CLUL1: variants seen among roughly 807,000 people sequenced by gnomAD.
CLUL1 encodes clusterin like 1.
In CLUL1, 43 loss-of-function variants were observed where a neutral mutation model predicts 49.4. That is an observed-to-expected ratio of 0.87 (90% CI 0.68 to 1.12). The LOEUF (loss-of-function observed/expected upper bound fraction) is 1.12. Ranked by LOEUF, CLUL1 falls within the 50% of genes most tolerant of loss-of-function variation. The pLI, the probability that CLUL1 is intolerant of heterozygous loss-of-function variation, is 0.00. For synonymous variants in CLUL1, 192 were observed against 184.9 expected (o/e 1.04, Z -0.31); for missense variants, 486 against 544.4 (o/e 0.89, Z 1.07).
At chr18:620,104 T>C (rs1453372326) in intron 4 of CLUL1, among the ~76,000 whole-genome samples, 1 of 152,208 alleles carries the variant, frequency 6.6e-6, no homozygotes, top group Admixed American at 6.5e-5. Flanking sequence ...ATTAGATACA[T>C]GAATTGCTAC....
intron 2 of CLUL1, among the ~76,000 whole-genome samples, chr18:615,854 T>A (rs189640023): frequency 1.6e-3 from 240 of 152,322 alleles, no homozygotes; most frequent in African/African-American, 5.4e-3. Context: ...GCCTTGAATG[T>A]GTGTCACTCT....
intron 2 of CLUL1, 81 bp downstream of exon 2, chr18:607,180 T>A (rs2072997290): frequency 1.4e-6 from 1 of 689,674 alleles, no homozygotes; most frequent in East Asian, 2.7e-5. Flanking sequence ...CAGGCCAGAA[T>A]GCAGTGACAC....
At chr18:637,224 G>C (rs2074170516) in intron 7 of CLUL1, among the ~76,000 whole-genome samples, 1 of 151,926 alleles carries the variant, frequency 6.6e-6, no homozygotes. Context: ...CTGACCTTGT[G>C]ATCCACCTGC....
intron 6 of CLUL1, among the ~76,000 whole-genome samples, chr18:631,797 A>G (rs1197275721): frequency 6.6e-6 from 1 of 152,212 alleles, no homozygotes; most frequent in Non-Finnish European, 1.5e-5. Context: ...TGGCAAGACC[A>G]AGTCCCTTCC....
chr18:598,126 C>G (rs2072709370), intron 1 of CLUL1: 1 of 155,050 alleles, frequency 6.4e-6, no homozygotes, highest in African/African-American at 2.4e-5. Flanking sequence ...ACTCCTCAGT[C>G]CCTGACAATG....
In CLUL1 at chr18:606,786, G is replaced by A. The variant is rs1044961568; in HGVS notation, c.-135-192G>A. ...CATATACACACAAACAAAAATAAACGTGAGATATGATTCTCCCGGAGTGTT... is the reference window on the plus strand; with the variant it reads ...CATATACACACAAACAAAAATAAACATGAGATATGATTCTCCCGGAGTGTT... On this transcript the variant is annotated intron_variant, in intron 1 of 9. Coordinates refer to ENST00000692774, the MANE Select transcript of CLUL1 (RefSeq NM_001393344.1). This position sits in a 1 kb window ranked among gnomAD's most constrained non-coding sequence, Gnocchi z 4.1. 4.6e-5 allele frequency among the ~76,000 whole-genome samples: 7 copies of A among 152,004 alleles called. No individual in the cohort carries two copies. Among genetic ancestry groups the A allele is most frequent in the Admixed American group, 6.6e-5 (1 of 15,254 alleles).
chr18:603,776 C>T (rs533694446), intron 1 of CLUL1, among the ~76,000 whole-genome samples: 38 of 152,288 alleles, frequency 2.5e-4, no homozygotes, highest in African/African-American at 7.7e-4. Flanking sequence ...TATAGCCACA[C>T]GCATTCCTCC....
intron 6 of CLUL1, 37 bp from the exon 7 acceptor site, chr18:633,261 T>C: frequency 1.3e-6 from 2 of 1,563,746 alleles, no homozygotes; most frequent in Non-Finnish European, 1.7e-6. Flanking sequence ...GTGCAAACTC[T>C]TATGACACTA....
rs1294659003 is a variant in CLUL1, at chr18:627,193, G to A, written c.520G>A (p.Asp174Asn). Residue 174 changes from aspartate to asparagine, a missense_variant, in exon 6 of 10, where the codon GAT becomes AAT. Asp to Asn is a conservative substitution (Grantham distance 23, BLOSUM62 1). Transcript: ENST00000692774. ...CATCAGTGAAAAGCTCATTGAGGAA[G>A]ATGCACAATTGACCCAAATGGAGGA... ...LPISEKLIEE[D>N]AQLTQMEDVF... 1.2e-6 allele frequency: 2 copies of A among 1,613,426 alleles called. No individual in the cohort carries two copies. Among genetic ancestry groups the A allele is most frequent in the African/African-American group, 2.7e-5 (2 of 74,842 alleles).
chr18:608,076 A>T (rs192065976), intron 2 of CLUL1, among the ~76,000 whole-genome samples: 1 of 152,182 alleles, frequency 6.6e-6, no homozygotes, highest in African/African-American at 2.4e-5. Context: ...GAACCGTCAG[A>T]TGCATGCCAG....
chr18:626,353 T>G (rs1158181895), intron 5 of CLUL1, among the ~76,000 whole-genome samples: 1 of 152,022 alleles, frequency 6.6e-6, no homozygotes, highest in South Asian at 2.1e-4. Context: ...CCACACACCT[T>G]GGCCTCCCAA....
chr18:632,576 AATGAT>A (rs1488196906), intron 6 of CLUL1, among the ~76,000 whole-genome samples: 1 of 152,180 alleles, frequency 6.6e-6, no homozygotes, highest in African/African-American at 2.4e-5. Context: ...CAGAAATACT[AATGAT>A]ATAAGACAAA....
intron 7 of CLUL1, among the ~76,000 whole-genome samples, chr18:638,822 C>A (rs1374226776): frequency 6.6e-6 from 1 of 151,712 alleles, no homozygotes. Context: ...CAAGCAACTG[C>A]ACTCCAGCCT....
Position 644,913 on chromosome 18 carries a change from G to C in CLUL1, c.1213G>C (p.Val405Leu), listed in dbSNP as rs760137234. The change falls in exon 9 of 10, where the codon GTT becomes CTT. Residue 405 changes from valine to leucine, a missense_variant. Coordinates refer to ENST00000692774, the MANE Select transcript of CLUL1 (RefSeq NM_001393344.1). ...TEIIFNSIQVVPRIHEGNISK... is the reference protein window; with the variant it reads ...TEIIFNSIQVLPRIHEGNISK... The stretch of plus-strand genomic sequence containing the variant: ...CTGTATAATCCTTCTTCTGTAGGTA[G>C]TTCCAAGGATTCATGAAGGAAATAT... 13 of 1,607,852 alleles carry C rather than the reference G, an allele frequency of 8.1e-6. 1 individual carries two copies. Among genetic ancestry groups the C allele is most frequent in the Middle Eastern group, 3.3e-4 (2 of 6,072 alleles).
intron 8 of CLUL1, among the ~76,000 whole-genome samples, chr18:642,958 A>T (rs1445031773): frequency 6.6e-6 from 1 of 152,198 alleles, no homozygotes; most frequent in African/African-American, 2.4e-5. Flanking sequence ...ATTCTTTATA[A>T]ACCACTTCTG....
rs1276558584 is a variant in CLUL1 at position 606,499 on chromosome 18, C to G, written c.-135-479C>G. On this transcript the variant is annotated intron_variant, in intron 1 of 9. Coordinates refer to ENST00000692774, the MANE Select transcript of CLUL1 (RefSeq NM_001393344.1). The surrounding 1 kb of genome is among the most constrained non-coding windows in gnomAD (Gnocchi z 4.1). Reference sequence around the variant, plus strand: ...GACATTTCTTTGCAAAGTCCCGGAACCCACAGCTCTGAGACTCTGGCTGTC... The same window carrying G: ...GACATTTCTTTGCAAAGTCCCGGAAGCCACAGCTCTGAGACTCTGGCTGTC... Among the ~76,000 whole-genome samples, 2 of 152,190 alleles carry G rather than the reference C, an allele frequency of 1.3e-5. No homozygotes were observed. The highest frequency in any genetic ancestry group is 1.9e-4 in the East Asian group (1 of 5,194).
chr18:626,857 TC>T (rs2073730746), intron 5 of CLUL1, among the ~76,000 whole-genome samples: 1 of 110,870 alleles, frequency 9.0e-6, no homozygotes, highest in Non-Finnish European at 1.9e-5. Context: ...CAAGACTCCA[TC>T]TCAAATAAGA....
At chr18:640,311 A>G (rs913671800) in intron 7 of CLUL1, among the ~76,000 whole-genome samples, 1 of 152,040 alleles carries the variant, frequency 6.6e-6, no homozygotes, top group South Asian at 2.1e-4. Flanking sequence ...TCAGGAGGCT[A>G]AGGTGGAAAT....
chr18:649,363 G>C (rs999360913), intron 9 of CLUL1, among the ~76,000 whole-genome samples: 9 of 152,212 alleles, frequency 5.9e-5, no homozygotes, highest in Admixed American at 3.3e-4. Context: ...TAGTTATCTA[G>C]CATCCTAAGT....
Sources: allele counts gnomAD v4.1 joint callset (sites outside exome capture counted in the v4.1 genomes callset), GRCh38; gene constraint gnomAD v4.1.1; non-coding constraint Gnocchi (gnomAD v3.1); transcripts MANE v1.5; gene names NCBI Gene and HGNC (gene_info 2026-07-23, HGNC 2026-07-21).